IGF2BP2: variants seen among roughly 807,000 people sequenced by gnomAD.
The protein encoded by IGF2BP2 is insulin like growth factor 2 mRNA binding protein 2, also known as insulin-like growth factor 2 mRNA-binding protein 2.
IGF2BP2 carries 17 observed loss-of-function variants against 75.8 expected under a neutral mutation model. The observed-to-expected ratio is 0.22, with a 90% confidence interval of 0.15 to 0.34. The LOEUF (loss-of-function observed/expected upper bound fraction) is 0.34, where lower values mean the gene tolerates loss of function less well. IGF2BP2 is among the 10% of genes least tolerant of loss of function. The pLI, the probability that IGF2BP2 is intolerant of heterozygous loss-of-function variation, is 1.00. For missense variants in IGF2BP2, 516 were observed against 772.4 expected (o/e 0.67, Z 3.93); for synonymous variants, 288 against 295.6 (o/e 0.97, Z 0.26).
At chr3:185,811,782 G>A (rs1739862165) in intron 2 of IGF2BP2, among the ~76,000 whole-genome samples, 1 of 151,752 alleles carries the variant, frequency 6.6e-6, no homozygotes, top group Non-Finnish European at 1.5e-5. Context: ...GTCTGTGGGA[G>A]GCTACAGTGA....
intron 7 of IGF2BP2, 53 bp from the exon 8 acceptor site, chr3:185,675,966 C>T: frequency 6.3e-7 from 1 of 1,579,670 alleles, no homozygotes; most frequent in Non-Finnish European, 8.6e-7. Context: ...ACGGTTGTCT[C>T]CCAAAAACCA....
chr3:185,723,653 T>G (rs923210314), intron 2 of IGF2BP2, among the ~76,000 whole-genome samples: 8 of 152,188 alleles, frequency 5.3e-5, no homozygotes, highest in African/African-American at 1.7e-4. Context: ...GAACAGGCGC[T>G]GAGAGCTCCA....
At position 185,777,321 on chromosome 3, in the gene IGF2BP2, A is replaced by G. The variant is rs569446854; in HGVS notation, c.239+45832T>C. 2.8e-3 allele frequency among the ~76,000 whole-genome samples: 433 copies of G among 152,286 alleles called. 2 individuals carry two copies. Among genetic ancestry groups the G allele is most frequent in the Non-Finnish European group, 5.1e-3 (344 of 68,014 alleles). On this transcript the variant is annotated intron_variant, in intron 2 of 15. Transcript: ENST00000382199. Reference sequence around the variant, plus strand: ...CTTGTCTCTAAAAAAATAAAAGATTAGCCAAAACCAAAACCAAAACAAAAC... The same window carrying G: ...CTTGTCTCTAAAAAAATAAAAGATTGGCCAAAACCAAAACCAAAACAAAAC...
intron 2 of IGF2BP2, among the ~76,000 whole-genome samples, chr3:185,785,878 G>C (rs1455891129): frequency 6.6e-6 from 1 of 152,034 alleles, no homozygotes; most frequent in Non-Finnish European, 1.5e-5. Flanking sequence ...AGACTGAATT[G>C]GTCATTAAAA....
At chr3:185,765,572 C>T (rs1433228873) in intron 2 of IGF2BP2, among the ~76,000 whole-genome samples, 3 of 152,168 alleles carry the variant, frequency 2.0e-5, no homozygotes, top group Non-Finnish European at 2.9e-5. Context: ...CTCTACACTC[C>T]ACCTGCACCT....
intron 13 of IGF2BP2, among the ~76,000 whole-genome samples, chr3:185,651,364 GT>G (rs1304399764): frequency 6.6e-6 from 1 of 151,938 alleles, no homozygotes; most frequent in Non-Finnish European, 1.5e-5. Flanking sequence ...AAGGGTTACT[GT>G]TTTTTGTTAT....
chr3:185,717,552 A>C (rs1725832067), intron 2 of IGF2BP2: 1 of 152,248 alleles, frequency 6.6e-6, no homozygotes. Context: ...AGCCAAGAAA[A>C]AAGGTTTGTA....
rs753598281 is a variant in IGF2BP2, at chr3:185,692,817, GCTTAATGTAAACAGACAAA to G, written c.341-74_341-56del. The G allele has an allele frequency of 2.0e-6, 3 of 1,521,264 alleles. No homozygotes were observed. In the African/African-American group the frequency reaches 4.1e-5, roughly 21 times the overall value. The allele number at this position is 1,521,264 out of a possible 1,614,324, so 94.2% of individuals were successfully genotyped here. A position where few individuals can be genotyped will look rare whatever the true frequency, so the allele number is the denominator to read the frequency against. On this transcript the variant is annotated intron_variant, in intron 4 of 15. Coordinates refer to ENST00000382199, the MANE Select transcript of IGF2BP2 (RefSeq NM_006548.6). ...TAGGAAAAAGTGCTGTCACCCTCTG[GCTTAATGTAAACAGACAAA>G]CTTTAGAGAAAAATGCATAAAACCC...
chr3:185,725,780 T>G (rs577572123), intron 2 of IGF2BP2, among the ~76,000 whole-genome samples: 4 of 152,148 alleles, frequency 2.6e-5, no homozygotes, highest in Non-Finnish European at 5.9e-5. Flanking sequence ...TAGACCAGCC[T>G]TGGCAACATA....
chr3:185,646,260 A>C (rs1713522409), intron 15 of IGF2BP2, among the ~76,000 whole-genome samples: 1 of 152,038 alleles, frequency 6.6e-6, no homozygotes, highest in Admixed American at 6.5e-5. Context: ...TTCAAAGGGC[A>C]CTGGGCGGGG....
chr3:185,816,016 C>T (rs943041702), intron 2 of IGF2BP2, among the ~76,000 whole-genome samples: 2 of 152,266 alleles, frequency 1.3e-5, no homozygotes, highest in Non-Finnish European at 2.9e-5. Context: ...GAGAAAGATA[C>T]CACCTCTGGG....
At chr3:185,708,058 G>T (rs1158071167) in intron 2 of IGF2BP2, among the ~76,000 whole-genome samples, 1 of 152,180 alleles carries the variant, frequency 6.6e-6, no homozygotes, top group Non-Finnish European at 1.5e-5. Context: ...ATTCATGGAT[G>T]CTAAGTATCT....
At chr3:185,689,273 T>A (rs1289821291) in intron 6 of IGF2BP2, 82 bp downstream of exon 6, 4 of 1,442,680 alleles carry the variant, frequency 2.8e-6, no homozygotes, top group Non-Finnish European at 3.8e-6. Flanking sequence ...ATGTAAGCAA[T>A]TGTGACCTAA....
At chr3:185,789,095 C>T (rs1055399392) in intron 2 of IGF2BP2, among the ~76,000 whole-genome samples, 1 of 151,886 alleles carries the variant, frequency 6.6e-6, no homozygotes, top group East Asian at 1.9e-4. Context: ...TGCGAATATT[C>T]GATCCTCCCG....
At position 185,824,834 on chromosome 3, in the gene IGF2BP2, C is replaced by A. The variant is rs772304011; in HGVS notation, c.127G>T (p.Val43Leu). Reference sequence around the variant, plus strand: ...GCCCAGTTCTGGTCGGGGTAGTCCACGAAGGCGTAGCCGGACTTCAGCAGG... The same window carrying A: ...GCCCAGTTCTGGTCGGGGTAGTCCAAGAAGGCGTAGCCGGACTTCAGCAGG... ...QVLLKSGYAF[V>L]DYPDQNWAIR... Residue 43 changes from valine (V) to leucine (L), a missense_variant, in exon 1 of 16, where the codon GTG becomes TTG. This residue lies in a region of IGF2BP2 where 312 missense variants were observed against 474.5 expected (regional missense o/e 0.66). Transcript: ENST00000382199. The A allele has an allele frequency of 1.3e-6, 2 of 1,536,854 alleles. No homozygotes were observed. Among genetic ancestry groups the A allele is most frequent in the South Asian group, 1.2e-5 (1 of 81,852 alleles).
chr3:185,728,731 A>C (rs1160347340), intron 2 of IGF2BP2: 3 of 152,244 alleles, frequency 2.0e-5, no homozygotes, highest in African/African-American at 7.2e-5. Context: ...CCAAAGGCTC[A>C]CAGCTCATAA....
intron 2 of IGF2BP2, among the ~76,000 whole-genome samples, chr3:185,804,631 A>G (rs1413122561): frequency 6.6e-6 from 1 of 152,138 alleles, no homozygotes; most frequent in Non-Finnish European, 1.5e-5. Flanking sequence ...CAGGCATTCT[A>G]CTAATTATCA....
intron 13 of IGF2BP2, among the ~76,000 whole-genome samples, chr3:185,650,599 C>T (rs889566419): frequency 2.6e-5 from 4 of 151,974 alleles, no homozygotes; most frequent in African/African-American, 9.7e-5. Flanking sequence ...ATCACTTGAA[C>T]CCGAGAGATG....
intron 2 of IGF2BP2, among the ~76,000 whole-genome samples, chr3:185,746,295 G>A (rs1730241906): frequency 6.6e-6 from 1 of 152,038 alleles, no homozygotes; most frequent in Non-Finnish European, 1.5e-5. Context: ...ATGTCCCAGC[G>A]CCACTAAAGC....
Sources: allele counts gnomAD v4.1 joint callset (sites outside exome capture counted in the v4.1 genomes callset), GRCh38; gene constraint gnomAD v4.1.1; regional missense constraint gnomAD v4.1.1; transcripts MANE v1.5; gene names NCBI Gene and HGNC (gene_info 2026-07-23, HGNC 2026-07-21).